Variants in RBM33 observed in about 807,000 individuals in gnomAD.
RBM33 encodes the protein RNA-binding protein 33.
RBM33 carries 28 observed loss-of-function variants against 132.6 expected under a neutral mutation model. That is an observed-to-expected ratio of 0.21 (90% CI 0.16 to 0.29). The LOEUF (loss-of-function observed/expected upper bound fraction) is 0.29, where lower values mean the gene tolerates loss of function less well. Ranked by LOEUF, RBM33 falls within the 10% of genes least tolerant of loss-of-function variation. The probability of loss-of-function intolerance (pLI) is 1.00; values close to 1 mark genes in which losing one functional copy is unlikely to be tolerated. For missense variants in RBM33, 1,291 were observed against 1,518.5 expected (o/e 0.85, Z 2.49); for synonymous variants, 634 against 593.0 (o/e 1.07, Z -1.01).
chr7:155,699,967 T>C (rs1200033261), intron 5 of RBM33, among the ~76,000 whole-genome samples: 1 of 152,222 alleles, frequency 6.6e-6, no homozygotes, highest in African/African-American at 2.4e-5. Context: ...ATTTTATGTC[T>C]AAGAGTGGGT....
intron 3 of RBM33, among the ~76,000 whole-genome samples, chr7:155,674,634 G>A (rs1799126571): frequency 6.6e-6 from 1 of 152,158 alleles, no homozygotes; most frequent in African/African-American, 2.4e-5. Context: ...CAATAAAGAT[G>A]GAGAAATACT....
intron 5 of RBM33, among the ~76,000 whole-genome samples, chr7:155,696,227 C>T (rs1799791085): frequency 6.6e-6 from 1 of 152,054 alleles, no homozygotes; most frequent in Non-Finnish European, 1.5e-5. Context: ...TATTCATGGT[C>T]CTTTGAATTT....
chr7:155,758,659 AAGC>A (rs143279517), intron 14 of RBM33, among the ~76,000 whole-genome samples: 9,803 of 152,120 alleles, frequency 0.064, 474 homozygotes, highest in African/African-American at 0.14. Flanking sequence ...TCTTGGATAT[AAGC>A]AGCTCCAGAG....
intron 3 of RBM33, among the ~76,000 whole-genome samples, chr7:155,673,728 A>G (rs538697829): frequency 1.4e-5 from 2 of 143,466 alleles, no homozygotes; most frequent in African/African-American, 5.5e-5. Context: ...ATATACACAC[A>G]CATATATACA....
intron 6 of RBM33, among the ~76,000 whole-genome samples, chr7:155,704,597 G>A (rs187088152): frequency 4.2e-4 from 64 of 152,282 alleles, no homozygotes; most frequent in Admixed American, 1.4e-3. Flanking sequence ...GTGGCCCTTG[G>A]ATTGCCTTAG....
intron 1 of RBM33, among the ~76,000 whole-genome samples, chr7:155,664,564 G>A (rs865989527): frequency 3.3e-5 from 5 of 152,046 alleles, no homozygotes; most frequent in South Asian, 2.1e-4. Flanking sequence ...GAGCCACCGC[G>A]CCCAGCCATA....
At chr7:155,663,499 A>C (rs1798712987) in intron 1 of RBM33, among the ~76,000 whole-genome samples, 2 of 152,150 alleles carry the variant, frequency 1.3e-5, no homozygotes, top group Non-Finnish European at 2.9e-5. Context: ...ACTTTACAAC[A>C]ACCAGATATC....
chr7:155,770,032 G>A (rs995460032), intron 16 of RBM33, among the ~76,000 whole-genome samples: 4 of 152,164 alleles, frequency 2.6e-5, no homozygotes, highest in African/African-American at 7.2e-5. Flanking sequence ...GTAAGACAGG[G>A]AAGATGGGAC....
intron 1 of RBM33, among the ~76,000 whole-genome samples, chr7:155,661,021 A>G (rs1020552603): frequency 9.2e-5 from 14 of 151,450 alleles, no homozygotes; most frequent in African/African-American, 3.4e-4. Context: ...GAGCCCCTCT[A>G]ATGAACTCAT....
chr7:155,651,582 C>CA (rs34693646), intron 1 of RBM33, among the ~76,000 whole-genome samples: 61,836 of 94,472 alleles, frequency 0.65, 19,953 homozygotes, highest in South Asian at 0.77. Flanking sequence ...TTTGTCTCAC[C>CA]AAAAAAAAAA....
chr7:155,739,998 A>C lies in RBM33; in HGVS notation c.2021A>C (p.Gln674Pro). 6.4e-7 allele frequency: 1 copy of C among 1,560,830 alleles called. No homozygotes were observed. The highest frequency in any genetic ancestry group is 8.7e-7 in the Non-Finnish European group (1 of 1,149,948). The change falls in exon 12 of 18, where the codon CAG becomes CCG. Residue 674 changes from glutamine to proline, a missense_variant. This residue lies in a region of RBM33 where 841 missense variants were observed against 912.0 expected (regional missense o/e 0.92). Coordinates refer to ENST00000401878, the MANE Select transcript of RBM33 (RefSeq NM_053043.3). ...AQPQASSSRMQCPQRQGLRHN... is the reference protein window; with the variant it reads ...AQPQASSSRMPCPQRQGLRHN... ...CCTCAGGCCAGCAGCAGCCGGATGC[A>C]GTGCCCCCAGCGCCAGGGGCTCCGG...
At chr7:155,757,383 C>G (rs1001927426) in intron 14 of RBM33, among the ~76,000 whole-genome samples, 78 of 152,216 alleles carry the variant, frequency 5.1e-4, no homozygotes, top group Middle Eastern at 3.4e-3. Context: ...TCATTTTTTT[C>G]TTACAAAATG....
Position 155,745,293 on chromosome 7 carries a change from A to C in RBM33, c.2670A>C (p.Thr890=). ...GTATTTCAAACGTTCAGCCCAAAACATCCAATTTTGTACCATCCAGTGCCA... is the reference window on the plus strand; with the variant it reads ...GTATTTCAAACGTTCAGCCCAAAACCTCCAATTTTGTACCATCCAGTGCCA... The part of the protein sequence containing the change: ...DVSISNVQPK[T]SNFVPSSANM... Residue 890 remains threonine (T), a synonymous_variant, in exon 14 of 18, where the codon ACA becomes ACC. Coordinates refer to ENST00000401878, the MANE Select transcript of RBM33 (RefSeq NM_053043.3). The surrounding 1 kb of genome is among the most constrained non-coding windows in gnomAD (Gnocchi z 4.1). The C allele has an allele frequency of 6.2e-7, 1 of 1,613,004 alleles. No homozygotes were observed. The highest frequency in any genetic ancestry group is 8.5e-7 in the Non-Finnish European group (1 of 1,179,414).
chr7:155,665,407 C>G (rs542360516), intron 2 of RBM33, among the ~76,000 whole-genome samples, 154 bp downstream of exon 2: 34 of 152,344 alleles, frequency 2.2e-4, no homozygotes, highest in African/African-American at 8.2e-4. Context: ...TGAAGCTTCT[C>G]CATGCAGAAG....
At chr7:155,761,291 T>C (rs1802028886) in intron 14 of RBM33, among the ~76,000 whole-genome samples, 1 of 152,224 alleles carries the variant, frequency 6.6e-6, no homozygotes, top group Admixed American at 6.5e-5. Context: ...TTTGATGCCT[T>C]TGGCCTTGTA....
At chr7:155,702,657 A>G (rs1800001597) in intron 6 of RBM33, among the ~76,000 whole-genome samples, 1 of 152,194 alleles carries the variant, frequency 6.6e-6, no homozygotes, top group Non-Finnish European at 1.5e-5. Context: ...GACAAAGGAA[A>G]GCTCTCCATA....
chr7:155,706,997 A>G lies in RBM33; in HGVS notation c.877A>G (p.Arg293Gly), dbSNP rs899237906. 18 of 1,590,044 alleles carry G rather than the reference A, an allele frequency of 1.1e-5. No individual in the cohort carries two copies. The highest frequency in any genetic ancestry group is 1.7e-4 in the Middle Eastern group (1 of 6,048). The change falls in exon 7 of 18, where the codon AGA (arginine) becomes GGA (glycine). Residue 293 changes from arginine (R) to glycine (G), a missense_variant. This residue lies in a region of RBM33 where 146 missense variants were observed against 137.1 expected (regional missense o/e 1.07). Transcript: ENST00000401878. ...LMCRGVGDQRRESTERGRMKD... is the reference protein window; with the variant it reads ...LMCRGVGDQRGESTERGRMKD... ...GTGTCGTGGTGTGGGGGACCAGAGGAGAGAGAGCACCGAGAGGGGCAGGAT... is the reference window on the plus strand; with the variant it reads ...GTGTCGTGGTGTGGGGGACCAGAGGGGAGAGAGCACCGAGAGGGGCAGGAT...
In RBM33 at chr7:155,775,056, G is replaced by A. The variant is rs747008709; in HGVS notation, c.*15G>A. 1.9e-6 allele frequency: 3 copies of A among 1,610,468 alleles called. No individual in the cohort carries two copies. The highest frequency in any genetic ancestry group is 1.1e-5 in the South Asian group (1 of 90,994). On this transcript the variant is annotated 3_prime_UTR_variant, in exon 18 of 18. Transcript: ENST00000401878. ...TCGTGGAGTGAGTCCTAACAAGAGA[G>A]CCTGACCTTAGGCTGTACACACACT...
intron 1 of RBM33, among the ~76,000 whole-genome samples, chr7:155,650,023 A>G (rs559245371): frequency 5.3e-5 from 8 of 152,190 alleles, no homozygotes; most frequent in South Asian, 2.1e-4. Flanking sequence ...GGAGCCCCCA[A>G]CACTCTCATT....
Sources: allele counts gnomAD v4.1 joint callset (sites outside exome capture counted in the v4.1 genomes callset), GRCh38; gene constraint gnomAD v4.1.1; regional missense constraint gnomAD v4.1.1; non-coding constraint Gnocchi (gnomAD v3.1); transcripts MANE v1.5; gene names NCBI Gene and HGNC (gene_info 2026-07-23, HGNC 2026-07-21).